The following ATP11A variants were observed in gnomAD, a reference collection of about 807,000 sequenced individuals.
ATP11A encodes phospholipid-transporting ATPase IH.
A neutral mutation model predicts 154.4 loss-of-function variants in ATP11A; 81 were observed. That is an observed-to-expected ratio of 0.52 (90% CI 0.44 to 0.63). The LOEUF (loss-of-function observed/expected upper bound fraction) is 0.63. Among genes scored for constraint, ATP11A ranks in the 30% least tolerant of loss-of-function variants. ATP11A has a pLI of 0.00. For synonymous variants in ATP11A, 623 were observed against 585.9 expected, an observed-to-expected ratio of 1.06 and a Z score of -0.91; for missense variants, 1,316 against 1,474.3, an observed-to-expected ratio of 0.89 and a Z score of 1.76.
rs893432437 is a variant in ATP11A at position 112,857,678 on chromosome 13, T to G, written c.2419-140T>G. 7.5e-6 allele frequency: 5 copies of G among 663,548 alleles called. No individual in the cohort carries two copies. The Admixed American group carries it at 8.2e-5, about 11-fold the overall frequency. 41.1% of individuals were successfully genotyped at this position (663,548 alleles called of 1,614,324 possible). A position where few individuals can be genotyped will look rare whatever the true frequency, so the allele number is the denominator to read the frequency against. ...TCCTATATGGAGAAAACAGACAGAA[T>G]GTCGTAAATTACCTCTAAGTAGTTA... On this transcript the variant is annotated intron_variant, in intron 20 of 29. Coordinates refer to ENST00000375645, the MANE Select transcript of ATP11A (RefSeq NM_015205.3).
At chr13:112,800,293 A>G (rs1176439611) in intron 2 of ATP11A, among the ~76,000 whole-genome samples, 1 of 152,184 alleles carries the variant, frequency 6.6e-6, no homozygotes, top group African/African-American at 2.4e-5. Flanking sequence ...ACAAATTCCA[A>G]ACATCAGAAA....
chr13:112,805,984 C>T (rs143348010), intron 3 of ATP11A, among the ~76,000 whole-genome samples: 6 of 152,116 alleles, frequency 3.9e-5, no homozygotes, highest in East Asian at 1.9e-4. Flanking sequence ...CTGCCACTCT[C>T]GGTGGTTTCC....
At chr13:112,880,414 C>A in intron 29 of ATP11A, 2 of 727,164 alleles carry the variant, frequency 2.8e-6, no homozygotes, top group Non-Finnish European at 3.7e-6. Flanking sequence ...CTCCATGACA[C>A]CCCATGCAGA....
At chr13:112,880,896 C>T in intron 29 of ATP11A, 1 of 1,001,084 alleles carries the variant, frequency 1.0e-6, no homozygotes, top group Non-Finnish European at 1.2e-6. Flanking sequence ...GGCACACAGC[C>T]TGACCAGACC....
intron 1 of ATP11A, among the ~76,000 whole-genome samples, chr13:112,769,092 G>A (rs905907218): frequency 1.6e-4 from 24 of 152,194 alleles, no homozygotes; most frequent in South Asian, 8.3e-4. Context: ...TTGCAAGTCG[G>A]GAGACGGGAG....
rs74598757 is a variant in ATP11A, at chr13:112,822,313, C to T, written c.726-1032C>T. On this transcript the variant is annotated intron_variant, in intron 8 of 29. Coordinates refer to ENST00000375645, the MANE Select transcript of ATP11A (RefSeq NM_015205.3). ...AACCCTGTTATATCAAGAATATAAG[C>T]CCCTGATGGCAGAGACCCTGCCTGC... 8.8e-4 allele frequency among the ~76,000 whole-genome samples: 134 copies of T among 152,272 alleles called. 1 individual carries two copies. Among genetic ancestry groups the T allele is most frequent in the Non-Finnish European group, 1.7e-3 (116 of 68,006 alleles).
At chr13:112,793,225 C>T (rs916189282) in intron 2 of ATP11A, among the ~76,000 whole-genome samples, 2 of 152,090 alleles carry the variant, frequency 1.3e-5, no homozygotes, top group African/African-American at 4.8e-5. Flanking sequence ...ATTTTTGAGA[C>T]AGAGTCTCTC....
Position 112,886,410 on chromosome 13 carries a change from G to A in ATP11A, c.*4544G>A, listed in dbSNP as rs781632691. The A allele has an allele frequency of 1.3e-5, 2 of 152,194 alleles. No individual in the cohort carries two copies. Among genetic ancestry groups the A allele is most frequent in the Non-Finnish European group, 2.9e-5 (2 of 68,038 alleles). The allele number at this position is 152,194 out of a possible 1,614,324, so 9.4% of individuals were successfully genotyped here. A position where few individuals can be genotyped will look rare whatever the true frequency, so the allele number is the denominator to read the frequency against. On this transcript the variant is annotated 3_prime_UTR_variant, in exon 30 of 30. Transcript: ENST00000375645. ...ATACAACCACTCTTATTTAATGTTA[G>A]TATTATTTATTTGACAACTCAGTGT...
intron 18 of ATP11A, 32 bp from the exon 19 acceptor site, chr13:112,854,247 C>G (rs370275524): frequency 1.2e-6 from 2 of 1,609,686 alleles, no homozygotes; most frequent in African/African-American, 1.3e-5. Context: ...ACTGACTTTT[C>G]TCTATGCTGT....
intron 23 of ATP11A, 131 bp from the exon 24 acceptor site, chr13:112,860,156 T>G: frequency 9.6e-7 from 1 of 1,039,916 alleles, no homozygotes; most frequent in Non-Finnish European, 1.4e-6. Context: ...GACCCTAGTT[T>G]ATATTGTTAA....
intron 12 of ATP11A, 49 bp from the exon 13 acceptor site, chr13:112,831,326 C>A (rs1274636487): frequency 1.9e-6 from 3 of 1,587,358 alleles, no homozygotes; most frequent in South Asian, 2.3e-5. Flanking sequence ...GAGTCGGGGA[C>A]GTGCGGGCCT....
chr13:112,851,140 GA>G lies in ATP11A; in HGVS notation c.1914del (p.Glu639ArgfsTer4). The G allele has an allele frequency of 6.2e-7, 1 of 1,614,190 alleles. No homozygotes were observed. Among genetic ancestry groups the G allele is most frequent in the Non-Finnish European group, 8.5e-7 (1 of 1,180,034 alleles). ...LQAAKVALQD[R>X]EKKLAEAYEQ... ...GCTGCCAAAGTGGCCCTTCAAGATC[GA>G]GAGAAAAAGTTAGCAGAAGCCTATG... On this transcript the variant is annotated frameshift_variant, in exon 18 of 30. Coordinates refer to ENST00000375645, the MANE Select transcript of ATP11A (RefSeq NM_015205.3). LOFTEE classifies it high-confidence loss of function.
At chr13:112,871,632 T>A in intron 25 of ATP11A, 103 bp from the exon 26 acceptor site, 1 of 1,082,578 alleles carries the variant, frequency 9.2e-7, no homozygotes, top group Non-Finnish European at 1.4e-6. Context: ...TTTGAAGTGT[T>A]GGCACACAAG....
intron 24 of ATP11A, among the ~76,000 whole-genome samples, chr13:112,861,028 G>A (rs2080086430): frequency 6.6e-6 from 1 of 152,198 alleles, no homozygotes; most frequent in Non-Finnish European, 1.5e-5. Flanking sequence ...GTTCCACATG[G>A]CTGGGGAGGC....
At chr13:112,812,698 T>C (rs974155070) in intron 5 of ATP11A, among the ~76,000 whole-genome samples, 1 of 152,262 alleles carries the variant, frequency 6.6e-6, no homozygotes, top group Non-Finnish European at 1.5e-5. Flanking sequence ...AAATGTACTT[T>C]TAAGCATTTA....
At position 112,851,040 on chromosome 13, in the gene ATP11A, G is replaced by A; in HGVS notation, c.1813G>A (p.Gly605Arg). 1 of 1,613,478 alleles carries A rather than the reference G, an allele frequency of 6.2e-7. No homozygotes were observed. The highest frequency in any genetic ancestry group is 1.3e-5 in the African/African-American group (1 of 75,000). The change falls in exon 18 of 30, where the codon GGG becomes AGG. Residue 605 changes from glycine (G) to arginine (R), a missense_variant. Coordinates refer to ENST00000375645, the MANE Select transcript of ATP11A (RefSeq NM_015205.3). ...AACGCTGCATTGTGTTCTGCAGGAG[G>A]GGCTCCGAACTTTGTGTGTTGCTTA... is the stretch of plus-strand genomic sequence containing the variant. ...RARVERNAVE[G>R]LRTLCVAYKR...
At chr13:112,868,616 G>C (rs1388297323) in intron 25 of ATP11A, among the ~76,000 whole-genome samples, 1 of 152,168 alleles carries the variant, frequency 6.6e-6, no homozygotes, top group Non-Finnish European at 1.5e-5. Flanking sequence ...GGAAGAAAAG[G>C]GTCCCTGTGA....
At chr13:112,705,390 G>GGGAAACCC (rs1260099752) in intron 1 of ATP11A, among the ~76,000 whole-genome samples, 18 of 152,356 alleles carry the variant, frequency 1.2e-4, no homozygotes, top group African/African-American at 4.3e-4. Flanking sequence ...GTGCTCAGCA[G>GGGAAACCC]TTGATGTTCA....
chr13:112,809,672 C>T (rs2078432923), intron 4 of ATP11A, among the ~76,000 whole-genome samples: 1 of 152,192 alleles, frequency 6.6e-6, no homozygotes, highest in Admixed American at 6.5e-5. Context: ...TGGACGTGGA[C>T]GCCCATAGGC....
Sources: gnomAD v4.1 joint callset for allele counts (sites outside exome capture counted in the v4.1 genomes callset) on GRCh38, gnomAD v4.1.1 for gene constraint, MANE v1.5 for transcripts, NCBI Gene and HGNC (gene_info 2026-07-23, HGNC 2026-07-21) for gene names.